The following MYO3B variants were observed in gnomAD, a reference collection of about 807,000 sequenced individuals.
MYO3B encodes the protein myosin IIIB.
Under a neutral mutation model 174.6 loss-of-function variants are expected in MYO3B, and 156 were observed. The observed-to-expected ratio is 0.89, with a 90% CI of 0.78 to 1.02. MYO3B has a LOEUF of 1.02. Among genes scored for constraint, MYO3B ranks in the 50% least tolerant of loss-of-function variants. The pLI is 0.00. For missense variants in MYO3B, 1,632 were observed against 1,639.4 expected (o/e 1.00, Z 0.08); for synonymous variants, 563 against 569.1 (o/e 0.99, Z 0.15).
chr2:170,211,257 A>G (rs888270286), intron 3 of MYO3B, among the ~76,000 whole-genome samples: 3 of 152,234 alleles, frequency 2.0e-5, no homozygotes, highest in Non-Finnish European at 2.9e-5. Flanking sequence ...TCAACTGAGG[A>G]AAAGCCTTTT....
intron 9 of MYO3B, among the ~76,000 whole-genome samples, chr2:170,373,979 C>T (rs573130356): frequency 2.5e-4 from 38 of 152,170 alleles, no homozygotes; most frequent in African/African-American, 9.2e-4. Context: ...GCATAGAAAA[C>T]CCAGGTAGAA....
intron 1 of MYO3B, among the ~76,000 whole-genome samples, chr2:170,189,606 T>A (rs1438241199): frequency 1.3e-5 from 2 of 152,102 alleles, no homozygotes; most frequent in African/African-American, 4.8e-5. Flanking sequence ...TGATCAATTC[T>A]GCTGTTGAGA....
At chr2:170,468,991 C>G (rs1684808989) in intron 25 of MYO3B, among the ~76,000 whole-genome samples, 1 of 152,038 alleles carries the variant, frequency 6.6e-6, no homozygotes, top group Non-Finnish European at 1.5e-5. Flanking sequence ...CCTGTCTTTA[C>G]TAAAAATACA....
intron 32 of MYO3B, among the ~76,000 whole-genome samples, chr2:170,625,132 G>A (rs1007664231): frequency 2.6e-5 from 4 of 152,226 alleles, no homozygotes; most frequent in African/African-American, 9.6e-5. Flanking sequence ...AATAGTTTCA[G>A]AAGGAATGGT....
intron 32 of MYO3B, among the ~76,000 whole-genome samples, chr2:170,624,030 G>T (rs1696173192): frequency 6.6e-6 from 1 of 152,078 alleles, no homozygotes; most frequent in Non-Finnish European, 1.5e-5. Flanking sequence ...TTGTTCTTTT[G>T]GCTTCAGATT....
chr2:170,365,452 G>A (rs1445987596), intron 8 of MYO3B, among the ~76,000 whole-genome samples: 1 of 152,090 alleles, frequency 6.6e-6, no homozygotes, highest in Non-Finnish European at 1.5e-5. Flanking sequence ...ATTAATTTAT[G>A]TATTGTGGCT....
chr2:170,292,688 C>G (rs1448475380), intron 7 of MYO3B, among the ~76,000 whole-genome samples: 2 of 152,074 alleles, frequency 1.3e-5, no homozygotes, highest in Non-Finnish European at 2.9e-5. Flanking sequence ...ATGTGGAGAT[C>G]CCAAAGGGAT....
chr2:170,334,050 C>T (rs1398589924), intron 7 of MYO3B: 1 of 152,100 alleles, frequency 6.6e-6, no homozygotes, highest in Non-Finnish European at 1.5e-5. Context: ...TTTGCTTTGT[C>T]GTATTCAGCT....
chr2:170,612,521 C>T (rs57756115), intron 32 of MYO3B, among the ~76,000 whole-genome samples: 1 of 152,172 alleles, frequency 6.6e-6, no homozygotes, highest in Non-Finnish European at 1.5e-5. Flanking sequence ...TCTTTGTTCA[C>T]TACCACATCC....
chr2:170,631,770 C>T (rs951770798), intron 32 of MYO3B, among the ~76,000 whole-genome samples: 5 of 152,078 alleles, frequency 3.3e-5, no homozygotes, highest in Non-Finnish European at 7.4e-5. Flanking sequence ...TGTGCAGAGA[C>T]ACACACAGGC....
intron 5 of MYO3B, among the ~76,000 whole-genome samples, chr2:170,216,420 A>G (rs2092828850): frequency 6.6e-6 from 1 of 152,216 alleles, no homozygotes; most frequent in Non-Finnish European, 1.5e-5. Context: ...TCCCTAGTTT[A>G]AAGATGAAAA....
intron 32 of MYO3B, among the ~76,000 whole-genome samples, chr2:170,587,340 T>A (rs983947242): frequency 6.6e-6 from 1 of 152,224 alleles, no homozygotes; most frequent in African/African-American, 2.4e-5. Context: ...TGTGCTTGAT[T>A]TAATCTCATG....
chr2:170,242,614 TG>T (rs2093146811), intron 7 of MYO3B, among the ~76,000 whole-genome samples: 1 of 152,210 alleles, frequency 6.6e-6, no homozygotes. Flanking sequence ...AGGTTTCATT[TG>T]GGGATCAGGT....
At chr2:170,379,699 T>C (rs1426435603) in intron 9 of MYO3B, among the ~76,000 whole-genome samples, 1 of 152,210 alleles carries the variant, frequency 6.6e-6, no homozygotes, top group Non-Finnish European at 1.5e-5. Context: ...AAGTCACAGA[T>C]AAATAATTCT....
intron 7 of MYO3B, among the ~76,000 whole-genome samples, chr2:170,308,805 G>T (rs2093718077): frequency 6.6e-6 from 1 of 151,998 alleles, no homozygotes; most frequent in African/African-American, 2.4e-5. Context: ...CAACATCAAA[G>T]CCAGTCACTC....
intron 32 of MYO3B, among the ~76,000 whole-genome samples, chr2:170,608,995 C>T (rs1157610373): frequency 6.6e-6 from 1 of 152,160 alleles, no homozygotes; most frequent in Non-Finnish European, 1.5e-5. Context: ...AACAAGTTAA[C>T]ATGTTTTAAG....
chr2:170,201,312 T>C (rs1209515975), intron 3 of MYO3B, among the ~76,000 whole-genome samples: 1 of 152,252 alleles, frequency 6.6e-6, no homozygotes, highest in Non-Finnish European at 1.5e-5. Context: ...TTCTGGGCTC[T>C]GACCTTCTGA....
chr2:170,573,216 G>GTA (rs1692557012), intron 32 of MYO3B, among the ~76,000 whole-genome samples: 1 of 101,406 alleles, frequency 9.9e-6, no homozygotes, highest in Admixed American at 1.1e-4. Context: ...AAACATATAT[G>GTA]TATACTGTGT....
At chr2:170,307,739 A>G (rs181229697) in intron 7 of MYO3B, among the ~76,000 whole-genome samples, 101 of 152,342 alleles carry the variant, frequency 6.6e-4, no homozygotes, top group African/African-American at 2.2e-3. Context: ...GGGTCACCCC[A>G]TAGGTAGTGC....
Sources: allele counts gnomAD v4.1 joint callset (sites outside exome capture counted in the v4.1 genomes callset), GRCh38; gene constraint gnomAD v4.1.1; transcripts MANE v1.5; gene names NCBI Gene and HGNC (gene_info 2026-07-23, HGNC 2026-07-21).